The following CCR3 variants were observed in gnomAD, a reference collection of about 807,000 sequenced individuals.
The protein encoded by CCR3 is C-C chemokine receptor type 3.
For synonymous variants in CCR3, 203 were observed against 179.2 expected (o/e 1.13, Z -1.06); for missense variants, 419 against 437.5 (o/e 0.96, Z 0.38).
intron 2 of CCR3, among the ~76,000 whole-genome samples, chr3:46,216,311 ATGTACACACTGCACACATTGGG>A (rs1403930762): frequency 1.2e-4 from 19 of 152,232 alleles, no homozygotes; most frequent in African/African-American, 4.1e-4. Context: ...ACCTTGTACT[ATGTACACACTGCACACATTGGG>A]TGAGCTTGAA....
intron 1 of CCR3, among the ~76,000 whole-genome samples, chr3:46,249,712 C>T (rs1370906781): frequency 1.3e-5 from 2 of 152,142 alleles, no homozygotes; most frequent in Admixed American, 1.3e-4. Context: ...GGGCTGCAGG[C>T]ATTCCTTGGC....
At chr3:46,254,125 C>T (rs1700369994) in intron 1 of CCR3, among the ~76,000 whole-genome samples, 4 of 152,086 alleles carry the variant, frequency 2.6e-5, no homozygotes, top group Non-Finnish European at 1.5e-5. Context: ...CAAGAACACC[C>T]TGAATAGAAT....
In CCR3 at chr3:46,224,637, T is replaced by C. The variant is rs1191692170; in HGVS notation, c.-68+13730T>C. Among the ~76,000 whole-genome samples the C allele has an allele frequency of 2.7e-5, 4 of 148,582 alleles. No individual in the cohort carries two copies. In the East Asian group the frequency reaches 7.9e-4, roughly 29 times the overall value. On this transcript the variant is annotated intron_variant, in intron 2 of 3. Transcript: ENST00000357422. ...CTGTAATCCCAGCTACTTGGGAGAC[T>C]GAGGCAGCAGAATTGCTTGAGCCTG... is the stretch of plus-strand genomic sequence containing the variant.
chr3:46,228,536 A>G (rs1699928744), intron 2 of CCR3, among the ~76,000 whole-genome samples: 1 of 152,198 alleles, frequency 6.6e-6, no homozygotes, highest in Non-Finnish European at 1.5e-5. Context: ...TTTTAATGAT[A>G]TGACATAATC....
Position 46,266,213 on chromosome 3 carries a change from CTA to C in CCR3, c.1057_1058del (p.Ile353CysfsTer11). Reference sequence around the variant, plus strand: ...CCATCCACAGCAGAGCCGGAACTCTCTATTGTGTTTTAGGTCAGATGCAGAAA... The same window carrying C: ...CCATCCACAGCAGAGCCGGAACTCTCTTGTGTTTTAGGTCAGATGCAGAAA... On this transcript the variant is annotated frameshift_variant, in exon 2 of 2. Transcript: ENST00000395940. LOFTEE classifies it high-confidence loss of function. The C allele has an allele frequency of 6.2e-7, 1 of 1,610,652 alleles. No individual in the cohort carries two copies. The highest frequency in any genetic ancestry group is 8.5e-7 in the Non-Finnish European group (1 of 1,177,782).
intron 1 of CCR3, among the ~76,000 whole-genome samples, chr3:46,243,030 T>TAC (rs1700124045): frequency 8.5e-6 from 1 of 117,472 alleles, no homozygotes. Context: ...TTTTTATATA[T>TAC]ACAAAGTCCT....
At position 46,243,318 on chromosome 3, in the gene CCR3, G is replaced by A. The variant is rs80314374; in HGVS notation, c.-12+780G>A. Among the ~76,000 whole-genome samples the A allele has an allele frequency of 8.9e-3, 1,358 of 152,116 alleles. 13 individuals are homozygous for A. The highest frequency in any genetic ancestry group is 0.041 in the Middle Eastern group (12 of 294). On this transcript the variant is annotated intron_variant, in intron 1 of 1. Transcript: ENST00000395940. The stretch of plus-strand genomic sequence containing the variant: ...GCTTTTTCCCAGATATTTTTGATCC[G>A]TGATTGGTTGAATACACAAATGTGG...
chr3:46,259,334 T>C (rs1227570254), intron 1 of CCR3, among the ~76,000 whole-genome samples: 1 of 152,192 alleles, frequency 6.6e-6, no homozygotes, highest in Non-Finnish European at 1.5e-5. Flanking sequence ...GGATGAACAA[T>C]GGTTTAAAAT....
intron 2 of CCR3, among the ~76,000 whole-genome samples, chr3:46,232,190 T>C (rs2125925287): frequency 6.6e-6 from 1 of 152,336 alleles, no homozygotes; most frequent in East Asian, 1.9e-4. Flanking sequence ...ACACACAGAA[T>C]GGTTAGAGGA....
At chr3:46,240,858 A>T (rs1700074327), upstream of CCR3, among the ~76,000 whole-genome samples, 1 of 152,216 alleles carries the variant, frequency 6.6e-6, no homozygotes, top group Non-Finnish European at 1.5e-5. Flanking sequence ...TAAGCGGTAA[A>T]GGTAGGTTTT....
intron 1 of CCR3, among the ~76,000 whole-genome samples, chr3:46,248,103 T>C (rs867673925): frequency 2.6e-5 from 4 of 151,686 alleles, no homozygotes; most frequent in Non-Finnish European, 5.9e-5. Flanking sequence ...GAAGGAGATA[T>C]GGGGAAATGG....
intron 2 of CCR3, among the ~76,000 whole-genome samples, chr3:46,218,176 G>A (rs1699796688): frequency 6.6e-6 from 1 of 151,872 alleles, no homozygotes; most frequent in Non-Finnish European, 1.5e-5. Flanking sequence ...ATTATTCAAG[G>A]CTACTATAAG....
chr3:46,210,759 C>T (rs1217718866), exon 2 of CCR3: 1 of 152,366 alleles, frequency 6.6e-6, no homozygotes, highest in Non-Finnish European at 1.5e-5. Context: ...CTTCTGGCCA[C>T]ACACTCTCTC....
chr3:46,259,331 C>T (rs1252379334), intron 1 of CCR3, among the ~76,000 whole-genome samples: 2 of 152,082 alleles, frequency 1.3e-5, no homozygotes, highest in Admixed American at 6.6e-5. Flanking sequence ...TGTGGATGAA[C>T]AATGGTTTAA....
chr3:46,262,804 G>T (rs1479199838), intron 1 of CCR3, among the ~76,000 whole-genome samples: 1 of 152,000 alleles, frequency 6.6e-6, no homozygotes, highest in Admixed American at 6.6e-5. Flanking sequence ...ACACGTATGC[G>T]CCACCATGCC....
intron 2 of CCR3, among the ~76,000 whole-genome samples, chr3:46,224,285 A>G (rs1303243038): frequency 2.0e-5 from 3 of 152,154 alleles, no homozygotes; most frequent in Admixed American, 6.5e-5. Flanking sequence ...AAAAAAACGC[A>G]AAACAACATC....
At chr3:46,254,469 CT>C (rs1424412287) in intron 1 of CCR3, among the ~76,000 whole-genome samples, 37 of 144,552 alleles carry the variant, frequency 2.6e-4, no homozygotes, top group Non-Finnish European at 4.3e-4. Context: ...TTTTTCCCCC[CT>C]GGGTTCAAAG....
At chr3:46,247,018 A>G (rs915322902) in intron 1 of CCR3, among the ~76,000 whole-genome samples, 2 of 152,134 alleles carry the variant, frequency 1.3e-5, no homozygotes, top group African/African-American at 4.8e-5. Flanking sequence ...ATGGAATAAG[A>G]GAAGGAGAAA....
chr3:46,252,470 C>T (rs528220650), intron 1 of CCR3, among the ~76,000 whole-genome samples: 3 of 152,250 alleles, frequency 2.0e-5, no homozygotes, highest in Admixed American at 6.5e-5. Flanking sequence ...TGAGCCACAG[C>T]ACCCAGCCAA....
Sources: allele counts gnomAD v4.1 joint callset (sites outside exome capture counted in the v4.1 genomes callset), GRCh38; gene constraint gnomAD v4.1.1; transcripts MANE v1.5; gene names NCBI Gene and HGNC (gene_info 2026-07-23, HGNC 2026-07-21).